The following CYTH3 variants were observed in gnomAD, a reference collection of about 807,000 sequenced individuals.
The protein encoded by CYTH3 is cytohesin-3.
In CYTH3, 23 loss-of-function variants were observed where a neutral mutation model predicts 55.1. The observed-to-expected ratio is 0.42, with a 90% CI of 0.30 to 0.59. CYTH3 has a LOEUF of 0.59. Among genes scored for constraint, CYTH3 ranks in the 20% least tolerant of loss-of-function variants. CYTH3 has a pLI of 0.20. For missense variants in CYTH3, 413 were observed against 524.8 expected, an observed-to-expected ratio of 0.79 and a Z score of 2.08; for synonymous variants, 249 against 194.9, an observed-to-expected ratio of 1.28 and a Z score of -2.31.
chr7:6,179,848 C>A (rs552537720), intron 4 of CYTH3, among the ~76,000 whole-genome samples: 1 of 117,862 alleles, frequency 8.5e-6, no homozygotes, highest in East Asian at 2.7e-4. Flanking sequence ...TACACCACAC[C>A]ACAGACACAC....
chr7:6,265,311 C>A (rs778895110), intron 1 of CYTH3, among the ~76,000 whole-genome samples: 24 of 149,644 alleles, frequency 1.6e-4, no homozygotes, highest in South Asian at 2.1e-4. Flanking sequence ...CTATCCGGCC[C>A]TTTTATGAAA....
In CYTH3 at chr7:6,162,483, G is replaced by T; in HGVS notation, c.*2461C>A. 1 of 152,382 alleles carries T rather than the reference G, an allele frequency of 6.6e-6. No individual in the cohort carries two copies. The allele number at this position is 152,382 out of a possible 1,614,324, so 9.4% of individuals were successfully genotyped here. ...TGCCCAGGGTGAGGGACAAAAAACAGATGTGTCCTGTTTCAGGGCCGTCCT... is the reference window on the plus strand; with the variant it reads ...TGCCCAGGGTGAGGGACAAAAAACATATGTGTCCTGTTTCAGGGCCGTCCT... On this transcript the variant is annotated 3_prime_UTR_variant, in exon 13 of 13. Transcript: ENST00000350796.
chr7:6,184,155 G>A (rs1783578918), intron 4 of CYTH3, among the ~76,000 whole-genome samples: 1 of 143,336 alleles, frequency 7.0e-6, no homozygotes, highest in Non-Finnish European at 1.5e-5. Flanking sequence ...CCACCTCCCG[G>A]GTTCACGCCA....
chr7:6,229,786 C>T (rs767213243), intron 1 of CYTH3, among the ~76,000 whole-genome samples: 6 of 150,502 alleles, frequency 4.0e-5, no homozygotes, highest in Non-Finnish European at 7.4e-5. Flanking sequence ...CACTGCACTC[C>T]AGCCTGGGCA....
Position 6,171,671 on chromosome 7 carries a change from C to G in CYTH3, c.450-357G>C, listed in dbSNP as rs1783200170. On this transcript the variant is annotated intron_variant, in intron 6 of 12. Transcript: ENST00000350796. The surrounding 1 kb of genome is among the most constrained non-coding windows in gnomAD (Gnocchi z 6.7). ...TCACCAGAGCCCTGCCTGTCCCGAG[C>G]TGCCACCAGCCGGTCCTCCTTTCAG... The G allele has an allele frequency of 3.7e-6, 1 of 267,664 alleles. No homozygotes were observed. The highest frequency in any genetic ancestry group is 7.5e-6 in the Non-Finnish European group (1 of 132,570). The allele number at this position is 267,664 out of a possible 1,614,324, so 16.6% of individuals were successfully genotyped here. A position where few individuals can be genotyped will look rare whatever the true frequency, so the allele number is the denominator to read the frequency against.
rs1783163229 is a variant in CYTH3 at position 6,170,807 on chromosome 7, CGG to C, written c.711+21_711+22del. The C allele has an allele frequency of 6.3e-7, 1 of 1,598,878 alleles. No homozygotes were observed. The highest frequency in any genetic ancestry group is 1.7e-5 in the Admixed American group (1 of 58,222). On this transcript the variant is annotated intron_variant, in intron 8 of 12. Coordinates refer to ENST00000350796, the MANE Select transcript of CYTH3 (RefSeq NM_004227.4). This position sits in a 1 kb window ranked among gnomAD's most constrained non-coding sequence, Gnocchi z 7.8. The stretch of plus-strand genomic sequence containing the variant: ...AGCGAAGAGATCCTGCAGACGGCAG[CGG>C]CCGCGGGCCGGGGAGCTCACCCTCA...
intron 11 of CYTH3, 36 bp from the exon 12 acceptor site, chr7:6,165,463 G>T (rs763029750): frequency 6.2e-7 from 1 of 1,609,388 alleles, no homozygotes; most frequent in Non-Finnish European, 8.5e-7. Flanking sequence ...CGGTCAGGGG[G>T]GCTTGGGGCA....
At chr7:6,271,979 T>C (rs889964) in intron 1 of CYTH3, among the ~76,000 whole-genome samples, 99,432 of 151,998 alleles carry the variant, frequency 0.65, 34,928 homozygotes, top group East Asian at 0.95. Context: ...TCCAACCGTT[T>C]CCCCTGCCCT....
At chr7:6,220,229 C>T (rs1317765199) in intron 1 of CYTH3, among the ~76,000 whole-genome samples, 2 of 152,056 alleles carry the variant, frequency 1.3e-5, no homozygotes, top group African/African-American at 2.4e-5. Context: ...GGTGTAAAAG[C>T]GGTCCAATGC....
In CYTH3 at chr7:6,243,556, T is replaced by G. The variant is rs532222997; in HGVS notation, c.34+28918A>C. Among the ~76,000 whole-genome samples the G allele has an allele frequency of 3.5e-4, 53 of 152,350 alleles. 2 individuals carry two copies. The highest frequency in any genetic ancestry group is 1.8e-3 in the Admixed American group (28 of 15,306). On this transcript the variant is annotated intron_variant, in intron 1 of 12. Transcript: ENST00000350796. ...TGGCATCTTAAGGGGATGGGTATTT[T>G]GGGAATCCATAAGGGGAGGTTCAGT...
Position 6,272,544 on chromosome 7 carries a change from G to C in CYTH3, c.-37C>G, listed in dbSNP as rs756771877. 2.9e-5 allele frequency: 37 copies of C among 1,296,794 alleles called. No individual in the cohort carries two copies. Among genetic ancestry groups the C allele is most frequent in the Non-Finnish European group, 3.2e-5 (32 of 1,010,644 alleles). The allele number at this position is 1,296,794 out of a possible 1,614,324, so 80.3% of individuals were successfully genotyped here. On this transcript the variant is annotated 5_prime_UTR_variant, in exon 1 of 13. Coordinates refer to ENST00000350796, the MANE Select transcript of CYTH3 (RefSeq NM_004227.4). ...TCCCGCAGCCGGCGAGCCGGGGGCC[G>C]GCAGCAGAGGGGCCGCGGGCTGGGG...
intron 1 of CYTH3, among the ~76,000 whole-genome samples, chr7:6,264,504 C>T (rs556238268): frequency 7.9e-5 from 12 of 152,136 alleles, no homozygotes; most frequent in Non-Finnish European, 1.3e-4. Context: ...CCCAGCTACT[C>T]GGAAGGCTGA....
intron 1 of CYTH3, among the ~76,000 whole-genome samples, chr7:6,197,808 T>C (rs955285756): frequency 1.3e-5 from 2 of 152,208 alleles, no homozygotes; most frequent in Non-Finnish European, 2.9e-5. Flanking sequence ...TTTCACGTAT[T>C]TGGCCAGGTG....
intron 9 of CYTH3, among the ~76,000 whole-genome samples, chr7:6,166,806 A>C (rs958565736): frequency 6.6e-6 from 1 of 152,074 alleles, no homozygotes; most frequent in African/African-American, 2.4e-5. Flanking sequence ...TCCTCCTTTG[A>C]TGCCTAAGGC....
At chr7:6,192,233 G>A (rs1475204596) in intron 1 of CYTH3, among the ~76,000 whole-genome samples, 1 of 152,094 alleles carries the variant, frequency 6.6e-6, no homozygotes, top group Non-Finnish European at 1.5e-5. Context: ...GTTTTTTGTA[G>A]AGACAGGATC....
chr7:6,190,222 G>C (rs539064602), intron 2 of CYTH3, among the ~76,000 whole-genome samples: 1 of 151,996 alleles, frequency 6.6e-6, no homozygotes, highest in Non-Finnish European at 1.5e-5. Flanking sequence ...ATTTCTACCC[G>C]GGGTCTCACT....
At chr7:6,216,797 C>G (rs1784437751) in intron 1 of CYTH3, among the ~76,000 whole-genome samples, 1 of 143,736 alleles carries the variant, frequency 7.0e-6, no homozygotes, top group East Asian at 2.0e-4. Context: ...ACACATATGT[C>G]AAACTGGAAT....
chr7:6,233,515 G>A (rs144529361), intron 1 of CYTH3, among the ~76,000 whole-genome samples: 1,971 of 152,158 alleles, frequency 0.013, 25 homozygotes, highest in Middle Eastern at 0.034. Context: ...AATTAGCTGG[G>A]CGTGGTGGTG....
chr7:6,169,049 C>A lies in CYTH3; in HGVS notation c.823+1486G>T, dbSNP rs1426393391. Among the ~76,000 whole-genome samples the A allele has an allele frequency of 2.0e-5, 3 of 152,172 alleles. No homozygotes were observed. Among genetic ancestry groups the A allele is most frequent in the Non-Finnish European group, 4.4e-5 (3 of 68,034 alleles). On this transcript the variant is annotated intron_variant, in intron 9 of 12. Transcript: ENST00000350796. The surrounding 1 kb of genome is among the most constrained non-coding windows in gnomAD (Gnocchi z 4.1). ...GGCACCCGAGCCAAAGACCATGGTA[C>A]TAGGTTTTCAGGCAAATATCTACAA...
Sources: allele counts gnomAD v4.1 joint callset (sites outside exome capture counted in the v4.1 genomes callset), GRCh38; gene constraint gnomAD v4.1.1; non-coding constraint Gnocchi (gnomAD v3.1); transcripts MANE v1.5; gene names NCBI Gene and HGNC (gene_info 2026-07-23, HGNC 2026-07-21).